Variants in SLC12A2 observed in about 807,000 individuals in gnomAD.
SLC12A2 encodes the protein Na-K-2Cl cotransporter 1.
SLC12A2 carries 67 observed loss-of-function variants against 136.3 expected under a neutral mutation model. The observed-to-expected ratio is 0.49, with a 90% confidence interval of 0.40 to 0.60. The LOEUF (loss-of-function observed/expected upper bound fraction) is 0.60, where lower values mean the gene tolerates loss of function less well. Ranked by LOEUF, SLC12A2 falls within the 20% of genes least tolerant of loss-of-function variation. SLC12A2 has a pLI of 0.00. For synonymous variants in SLC12A2, 619 were observed against 562.9 expected (o/e 1.10, Z -1.41); for missense variants, 1,322 against 1,534.7 (o/e 0.86, Z 2.32).
chr5:128,131,727 C>T lies in SLC12A2; in HGVS notation c.1188+521C>T, dbSNP rs574785814. Among the ~76,000 whole-genome samples the T allele has an allele frequency of 2.8e-3, 421 of 151,794 alleles. 2 individuals carry two copies. The highest frequency in any genetic ancestry group is 9.8e-3 in the African/African-American group (406 of 41,422). Reference sequence around the variant, plus strand: ...TCGGAAAAATAAAGAAAAGTACAGCCGGGCGTGGTGGCTCATGCCTGTAAT... The same window carrying T: ...TCGGAAAAATAAAGAAAAGTACAGCTGGGCGTGGTGGCTCATGCCTGTAAT... On this transcript the variant is annotated intron_variant, in intron 5 of 26. Coordinates refer to ENST00000262461, the MANE Select transcript of SLC12A2 (RefSeq NM_001046.3).
In SLC12A2 at chr5:128,151,238, T is replaced by C; in HGVS notation, c.2108-3T>C. On this transcript the variant is annotated splice_region_variant and splice_polypyrimidine_tract_variant and intron_variant, in intron 13 of 26. Transcript: ENST00000262461. The stretch of plus-strand genomic sequence containing the variant: ...GTGACTTTTATTTATTTGTTATTGT[T>C]AGGATGGCGTCCTGCATTCAAATAC... 1 of 1,601,388 alleles carries C rather than the reference T, an allele frequency of 6.2e-7. No individual in the cohort carries two copies. Among genetic ancestry groups the C allele is most frequent in the Non-Finnish European group, 8.5e-7 (1 of 1,174,626 alleles).
chr5:128,142,863 T>A (rs912430817), intron 10 of SLC12A2, among the ~76,000 whole-genome samples: 3 of 152,186 alleles, frequency 2.0e-5, no homozygotes, highest in African/African-American at 7.2e-5. Context: ...TTAATTAATT[T>A]ACTTTTTAAT....
chr5:128,102,313 T>C (rs1406103460), intron 1 of SLC12A2, among the ~76,000 whole-genome samples: 1 of 152,154 alleles, frequency 6.6e-6, no homozygotes, highest in Non-Finnish European at 1.5e-5. Flanking sequence ...AATAGAATGT[T>C]GCTGGCACCC....
chr5:128,126,572 C>T (rs749608657), intron 4 of SLC12A2, among the ~76,000 whole-genome samples: 5 of 152,098 alleles, frequency 3.3e-5, no homozygotes, highest in African/African-American at 4.8e-5. Flanking sequence ...AGCTGCACTC[C>T]CATGTTTGTT....
chr5:128,133,851 A>G (rs943968691), intron 5 of SLC12A2, among the ~76,000 whole-genome samples: 6 of 152,098 alleles, frequency 3.9e-5, no homozygotes, highest in Non-Finnish European at 5.9e-5. Flanking sequence ...TATATAACTT[A>G]AAATTCTAAC....
chr5:128,103,589 T>A (rs1382398131), intron 1 of SLC12A2, among the ~76,000 whole-genome samples: 2 of 152,176 alleles, frequency 1.3e-5, no homozygotes, highest in African/African-American at 4.8e-5. Context: ...ATAAAAAAGA[T>A]AATTACAGAG....
chr5:128,127,322 C>T (rs1186855047), intron 4 of SLC12A2, among the ~76,000 whole-genome samples: 6 of 151,702 alleles, frequency 4.0e-5, no homozygotes, highest in Non-Finnish European at 8.8e-5. Context: ...GGGGTTTCAC[C>T]GTATTAGCCA....
rs114437564 is a variant in SLC12A2, at chr5:128,084,403, C to T, written c.449C>T (p.Ser150Leu). ...AACTTCGTGGACCCAGCTGCCTCCT[C>T]GTCGGCTGAAGACAGCCTGTCAGAT... The part of the protein sequence containing the change: ...RVNFVDPAAS[S>L]SAEDSLSDAA... The change falls in exon 1 of 27, where the codon TCG (serine) becomes TTG (leucine). Residue 150 changes from serine (S) to leucine (L), a missense_variant. Physicochemically the swap from Ser to Leu is moderately radical, Grantham distance 145 (BLOSUM62 -2). This residue lies in a region of SLC12A2 where 358 missense variants were observed against 299.7 expected (regional missense o/e 1.19). Transcript: ENST00000262461. The surrounding 1 kb of genome is among the most constrained non-coding windows in gnomAD (Gnocchi z 5.6). The T allele has an allele frequency of 2.1e-4, 340 of 1,610,906 alleles. 2 individuals carry two copies. The East Asian group carries it at 7.4e-3, about 35-fold the overall frequency.
In SLC12A2 at chr5:128,114,247, T is replaced by C. The variant is rs1761263820; in HGVS notation, c.912T>C (p.Leu304=). Residue 304 remains leucine (L), a synonymous_variant, in exon 3 of 27, where the codon CTT becomes CTC. Transcript: ENST00000262461. ...TGTTAAACATTTGGGGTGTGATGCTTTTCATTAGATTGTCATGGATTGTGG... is the reference window on the plus strand; with the variant it reads ...TGTTAAACATTTGGGGTGTGATGCTCTTCATTAGATTGTCATGGATTGTGG... The part of the protein sequence containing the change: ...RCMLNIWGVM[L]FIRLSWIVGQ... 1 of 1,613,626 alleles carries C rather than the reference T, an allele frequency of 6.2e-7. No individual in the cohort carries two copies.
Position 128,176,527 on chromosome 5 carries a change from C to T in SLC12A2, c.2930-578C>T, listed in dbSNP as rs150280604. ...ATAAATGGATAAATATTAATGCACACGTATATACATACATATATAAATTTA... is the reference window on the plus strand; with the variant it reads ...ATAAATGGATAAATATTAATGCACATGTATATACATACATATATAAATTTA... On this transcript the variant is annotated intron_variant, in intron 20 of 26. Transcript: ENST00000262461. 1.1e-4 allele frequency among the ~76,000 whole-genome samples: 17 copies of T among 151,980 alleles called. No individual in the cohort carries two copies. In the East Asian group the frequency reaches 3.3e-3, roughly 29 times the overall value.
At position 128,127,589 on chromosome 5, in the gene SLC12A2, T is replaced by G. The variant is rs191126372; in HGVS notation, c.1049-3478T>G. 7.9e-3 allele frequency among the ~76,000 whole-genome samples: 1,202 copies of G among 151,632 alleles called. 11 individuals are homozygous for G. The highest frequency in any genetic ancestry group is 0.012 in the Non-Finnish European group (838 of 67,896). On this transcript the variant is annotated intron_variant, in intron 4 of 26. Coordinates refer to ENST00000262461, the MANE Select transcript of SLC12A2 (RefSeq NM_001046.3). ...CCTATAGTTTTTTTTTTGGCAGGAG[T>G]GCTTATCACAAATTTAATTTCTGTC...
intron 4 of SLC12A2, among the ~76,000 whole-genome samples, chr5:128,123,660 A>G (rs553712275): frequency 6.6e-6 from 1 of 152,262 alleles, no homozygotes; most frequent in African/African-American, 2.4e-5. Flanking sequence ...AGTTCTTACT[A>G]TTGAGTTTTG....
chr5:128,104,854 C>T (rs905767970), intron 1 of SLC12A2, among the ~76,000 whole-genome samples: 6 of 151,978 alleles, frequency 3.9e-5, no homozygotes, highest in African/African-American at 1.2e-4. Flanking sequence ...TTAAAAATCT[C>T]CTCTGGAGCT....
At position 128,131,214 on chromosome 5, in the gene SLC12A2, A is replaced by G; in HGVS notation, c.1188+8A>G. ...GTGGTGGAGTTGCTTAAGGTAATTC[A>G]CCTTCCTTCTAGTCATTCGTTTACC... On this transcript the variant is annotated splice_region_variant and intron_variant, in intron 5 of 26. Coordinates refer to ENST00000262461, the MANE Select transcript of SLC12A2 (RefSeq NM_001046.3). 1 of 1,613,736 alleles carries G rather than the reference A, an allele frequency of 6.2e-7. No individual in the cohort carries two copies. Among genetic ancestry groups the G allele is most frequent in the African/African-American group, 1.3e-5 (1 of 75,000 alleles).
At chr5:128,130,553 G>A (rs1265518370) in intron 4 of SLC12A2, among the ~76,000 whole-genome samples, 6 of 146,002 alleles carry the variant, frequency 4.1e-5, no homozygotes, top group African/African-American at 1.0e-4. Context: ...GTGGTGGCAC[G>A]CACCTGTAGT....
intron 19 of SLC12A2, chr5:128,172,004 T>A (rs1376167354): frequency 3.6e-6 from 1 of 281,606 alleles, no homozygotes; most frequent in Admixed American, 5.3e-5. Context: ...GAAACAGACA[T>A]TAGTTATGTC....
At chr5:128,087,379 G>C (rs909875357) in intron 1 of SLC12A2, among the ~76,000 whole-genome samples, 1 of 152,176 alleles carries the variant, frequency 6.6e-6, no homozygotes, top group Non-Finnish European at 1.5e-5. Context: ...AAATAACATA[G>C]TTAATAACTG....
chr5:128,089,669 G>T (rs1421006976), intron 1 of SLC12A2, among the ~76,000 whole-genome samples: 1 of 152,186 alleles, frequency 6.6e-6, no homozygotes, highest in African/African-American at 2.4e-5. Flanking sequence ...ACTAGCATCT[G>T]TATAAGTGTT....
chr5:128,173,335 T>C (rs747621042), intron 19 of SLC12A2, among the ~76,000 whole-genome samples: 4 of 152,260 alleles, frequency 2.6e-5, no homozygotes, highest in Admixed American at 2.0e-4. Flanking sequence ...GCCTAACTTA[T>C]ACCTGTTAAC....
Sources: gnomAD v4.1 joint callset for allele counts (sites outside exome capture counted in the v4.1 genomes callset) on GRCh38, gnomAD v4.1.1 for gene constraint, gnomAD v4.1.1 regional missense constraint, Gnocchi (gnomAD v3.1) non-coding constraint, MANE v1.5 for transcripts, NCBI Gene and HGNC (gene_info 2026-07-23, HGNC 2026-07-21) for gene names.